The following FHAD1 variants were observed in gnomAD, a reference collection of about 807,000 sequenced individuals.
FHAD1 encodes forkhead associated phosphopeptide binding domain 1, also known as forkhead-associated domain-containing protein 1.
In FHAD1, 146 loss-of-function variants were observed where a neutral mutation model predicts 191.3. The ratio of observed to expected loss-of-function variants is 0.76; its 90% CI spans 0.67 to 0.88. The LOEUF (loss-of-function observed/expected upper bound fraction) is 0.88. FHAD1 is among the 40% of genes least tolerant of loss of function. FHAD1 has a pLI of 0.00. For synonymous variants in FHAD1, 616 were observed against 672.3 expected, an observed-to-expected ratio of 0.92 and a Z score of 1.29; for missense variants, 1,635 against 1,785.8, an observed-to-expected ratio of 0.92 and a Z score of 1.52.
At chr1:15,317,968 G>A in intron 10 of FHAD1, 40 bp downstream of exon 10, 1 of 1,289,126 alleles carries the variant, frequency 7.8e-7, no homozygotes, top group Non-Finnish European at 1.1e-6. Context: ...GGTGTGGGCG[G>A]TAGCTCCCCA....
At chr1:15,358,556 C>T (rs1338401758) in intron 21 of FHAD1, among the ~76,000 whole-genome samples, 1 of 152,218 alleles carries the variant, frequency 6.6e-6, no homozygotes, top group African/African-American at 2.4e-5. Flanking sequence ...TAATGGACCC[C>T]TAATGAGAAG....
At chr1:15,339,971 G>A (rs752400041) in intron 15 of FHAD1, among the ~76,000 whole-genome samples, 6 of 152,104 alleles carry the variant, frequency 3.9e-5, no homozygotes, top group Non-Finnish European at 8.8e-5. Context: ...GATTACAGGC[G>A]CCTGCCACCA....
At chr1:15,303,431 T>C (rs1669435638) in intron 6 of FHAD1, among the ~76,000 whole-genome samples, 1 of 152,230 alleles carries the variant, frequency 6.6e-6, no homozygotes, top group African/African-American at 2.4e-5. Flanking sequence ...AAGTGTCTTG[T>C]CCAGATACAA....
At chr1:15,387,026 G>A (rs1337961970) in intron 31 of FHAD1, among the ~76,000 whole-genome samples, 1 of 151,726 alleles carries the variant, frequency 6.6e-6, no homozygotes, top group African/African-American at 2.4e-5. Context: ...ACCACGCCCG[G>A]CTTATTTTTG....
At chr1:15,361,593 C>A (rs1360804365) in intron 22 of FHAD1, among the ~76,000 whole-genome samples, 2 of 151,992 alleles carry the variant, frequency 1.3e-5, no homozygotes, top group African/African-American at 4.8e-5. Context: ...AGATTTTGTC[C>A]CCGTAGTAAC....
rs1701036183 is a variant in FHAD1, at chr1:15,382,026, AG to A, written c.4023del. ...CAGACGCCATCTCTCCTGTGCACCCAGGCGGAGCAAAGTGTCCATTGAGATG... is the reference window on the plus strand; with the variant it reads ...CAGACGCCATCTCTCCTGTGCACCCAGCGGAGCAAAGTGTCCATTGAGATG... On this transcript the variant is annotated splice_acceptor_variant, in intron 30 of 33. Coordinates refer to ENST00000688493, the MANE Select transcript of FHAD1 (RefSeq NM_001391957.1). LOFTEE classifies it high-confidence loss of function. 6.4e-7 allele frequency: 1 copy of A among 1,551,886 alleles called. No individual in the cohort carries two copies. Among genetic ancestry groups the A allele is most frequent in the African/African-American group, 1.4e-5 (1 of 72,988 alleles).
At chr1:15,362,524 G>C in intron 22 of FHAD1, 118 bp from the exon 23 acceptor site, 1 of 776,280 alleles carries the variant, frequency 1.3e-6, no homozygotes, top group Non-Finnish European at 2.2e-6. Flanking sequence ...GGTCTCACAA[G>C]GTGGAGAGGG....
downstream of FHAD1, among the ~76,000 whole-genome samples, chr1:15,402,337 A>T (rs996395666): frequency 6.6e-6 from 1 of 152,118 alleles, no homozygotes; most frequent in Admixed American, 6.5e-5. Context: ...TTTTTTTAAA[A>T]TTTTTTTATT....
At chr1:15,361,984 C>T (rs997963772) in intron 22 of FHAD1, among the ~76,000 whole-genome samples, 1 of 141,446 alleles carries the variant, frequency 7.1e-6, no homozygotes, top group Non-Finnish European at 1.5e-5. Context: ...AGCCTAGCAA[C>T]AAAGCGAGAC....
chr1:15,335,139 A>T (rs1683490510), intron 14 of FHAD1: 1 of 152,344 alleles, frequency 6.6e-6, no homozygotes, highest in Non-Finnish European at 1.5e-5. Flanking sequence ...GGGAGATGTC[A>T]CGTGCAGCCC....
chr1:15,359,509 C>T (rs536358176), intron 21 of FHAD1, among the ~76,000 whole-genome samples: 5 of 151,988 alleles, frequency 3.3e-5, no homozygotes, highest in East Asian at 1.9e-4. Context: ...GGGAAAGCAG[C>T]AGATTTGCCA....
intron 26 of FHAD1, 126 bp from the exon 27 acceptor site, chr1:15,374,376 A>G: frequency 8.9e-7 from 1 of 1,120,450 alleles, no homozygotes; most frequent in South Asian, 1.7e-5. Context: ...CTGAAGCCCT[A>G]ATGCTATTTT....
intron 25 of FHAD1, among the ~76,000 whole-genome samples, chr1:15,368,845 G>A (rs1162014790): frequency 6.6e-6 from 1 of 152,158 alleles, no homozygotes; most frequent in African/African-American, 2.4e-5. Context: ...GGCTGAGGCA[G>A]GAGAATTGCT....
In FHAD1 at chr1:15,328,295, C is replaced by T. The variant is rs1401728671; in HGVS notation, c.1576C>T (p.Gln526Ter). The T allele has an allele frequency of 1.3e-6, 2 of 1,508,784 alleles. No individual in the cohort carries two copies. Among genetic ancestry groups the T allele is most frequent in the Non-Finnish European group, 1.8e-6 (2 of 1,130,344 alleles). 93.5% of individuals were successfully genotyped at this position (1,508,784 alleles called of 1,614,324 possible). ...TDQQLIEKIT[Q>*]VTEDNINFQQ... ...TCACCAGTTAATAGAGAAAATTACCCAGGTCACTGAGGACAACATCAATTT... is the reference window on the plus strand; with the variant it reads ...TCACCAGTTAATAGAGAAAATTACCTAGGTCACTGAGGACAACATCAATTT... Residue 526 changes from glutamine to a stop codon, truncating the protein, a stop_gained, in exon 13 of 34, where the codon CAG becomes TAG. Transcript: ENST00000688493. LOFTEE classifies it high-confidence loss of function.
At chr1:15,347,772 C>T (rs60687545) in intron 18 of FHAD1, among the ~76,000 whole-genome samples, 3,282 of 152,292 alleles carry the variant, frequency 0.022, 127 homozygotes, top group African/African-American at 0.074. Flanking sequence ...ATTAGATCTT[C>T]CGCCACATCA....
chr1:15,281,257 C>T (rs1336898858), intron 3 of FHAD1, among the ~76,000 whole-genome samples: 3 of 152,136 alleles, frequency 2.0e-5, no homozygotes, highest in Non-Finnish European at 2.9e-5. Context: ...AGTGTGCCTC[C>T]TTTCCCCCTT....
intron 15 of FHAD1, among the ~76,000 whole-genome samples, chr1:15,341,507 A>T (rs1390962887): frequency 6.6e-6 from 1 of 152,226 alleles, no homozygotes; most frequent in Non-Finnish European, 1.5e-5. Context: ...ACTGTTATTA[A>T]CTTCATTTTC....
intron 2 of FHAD1, among the ~76,000 whole-genome samples, chr1:15,253,037 G>A (rs900700922): frequency 3.3e-5 from 5 of 152,110 alleles, no homozygotes; most frequent in African/African-American, 1.2e-4. Flanking sequence ...TTCACAGGAA[G>A]TTCCAAAAAT....
intron 8 of FHAD1, among the ~76,000 whole-genome samples, chr1:15,313,557 G>C (rs984926478): frequency 3.9e-5 from 6 of 152,104 alleles, no homozygotes; most frequent in African/African-American, 9.7e-5. Context: ...CCATGGCAAG[G>C]CTTAATATTA....
Sources: gnomAD v4.1 joint callset for allele counts (sites outside exome capture counted in the v4.1 genomes callset) on GRCh38, gnomAD v4.1.1 for gene constraint, MANE v1.5 for transcripts, NCBI Gene and HGNC (gene_info 2026-07-23, HGNC 2026-07-21) for gene names.